PATJ: variants seen among roughly 807,000 people sequenced by gnomAD.
PATJ encodes PATJ crumbs cell polarity complex component.
In PATJ, 190 loss-of-function variants were observed where a neutral mutation model predicts 224.9. That is an observed-to-expected ratio of 0.84 (90% confidence interval 0.75 to 0.95). The LOEUF is 0.95. Ranked by LOEUF, PATJ falls within the 40% of genes least tolerant of loss-of-function variation. The pLI, the probability that PATJ is intolerant of heterozygous loss-of-function variation, is 0.00. For missense variants in PATJ, 2,121 were observed against 2,270.3 expected, an observed-to-expected ratio of 0.93 and a Z score of 1.34; for synonymous variants, 769 against 820.3, an observed-to-expected ratio of 0.94 and a Z score of 1.07.
At chr1:62,056,036 G>T (rs760358525) in intron 31 of PATJ, among the ~76,000 whole-genome samples, 1 of 152,158 alleles carries the variant, frequency 6.6e-6, no homozygotes, top group Non-Finnish European at 1.5e-5. Flanking sequence ...AGAAAAGAGC[G>T]AATTCACCTT....
At chr1:62,117,562 G>A (rs1664581962) in intron 37 of PATJ, 1 of 231,442 alleles carries the variant, frequency 4.3e-6, no homozygotes, top group South Asian at 1.6e-4. Flanking sequence ...GCACAACATT[G>A]TTCTATTCAT....
At chr1:61,976,815 T>C (rs930737719) in intron 27 of PATJ, among the ~76,000 whole-genome samples, 1 of 152,096 alleles carries the variant, frequency 6.6e-6, no homozygotes, top group Non-Finnish European at 1.5e-5. Flanking sequence ...TACCAAGATT[T>C]TACTATACTC....
At chr1:62,092,538 C>T (rs1013505038) in intron 33 of PATJ, among the ~76,000 whole-genome samples, 2 of 151,358 alleles carry the variant, frequency 1.3e-5, no homozygotes, top group African/African-American at 4.9e-5. Context: ...GCCTCAGCCT[C>T]CCATGTAGCT....
At chr1:62,015,548 T>TGC (rs1558043055) in intron 28 of PATJ, among the ~76,000 whole-genome samples, 1 of 152,010 alleles carries the variant, frequency 6.6e-6, no homozygotes, top group Non-Finnish European at 1.5e-5. Flanking sequence ...TGTGTGTGTG[T>TGC]GCGTGATGGA....
intron 28 of PATJ, among the ~76,000 whole-genome samples, chr1:62,014,870 G>C (rs1646678604): frequency 6.6e-6 from 1 of 152,054 alleles, no homozygotes; most frequent in African/African-American, 2.4e-5. Flanking sequence ...CCTGGCCACT[G>C]CATGATTTCT....
intron 31 of PATJ, among the ~76,000 whole-genome samples, chr1:62,058,818 A>G (rs1444208433): frequency 1.3e-5 from 2 of 152,212 alleles, no homozygotes; most frequent in Non-Finnish European, 2.9e-5. Flanking sequence ...TTTCATGTCC[A>G]GGAGTGTGCC....
chr1:62,127,692 A>G (rs993822574), intron 39 of PATJ, among the ~76,000 whole-genome samples: 2 of 152,154 alleles, frequency 1.3e-5, no homozygotes, highest in African/African-American at 2.4e-5. Context: ...TTGTAATCCT[A>G]GCTACTCAGG....
rs1428341858 is a variant in PATJ, at chr1:62,160,944, G to T, written c.5539G>T (p.Asp1847Tyr). ...AADDGRLKRG[D>Y]QILAVNGETL... ...AGATGACGGCCGATTAAAACGAGGG[G>T]ATCAGATTTTAGCTGTTAATGGCGA... The change falls in exon 44 of 44, where the codon GAT (aspartate) becomes TAT (tyrosine). Residue 1847 changes from aspartate (D) to tyrosine (Y), a missense_variant. By Grantham distance (160) the Asp-to-Tyr change is radical (BLOSUM62 -3). Transcript: ENST00000642238. 1.2e-6 allele frequency: 2 copies of T among 1,613,994 alleles called. No individual in the cohort carries two copies. The highest frequency in any genetic ancestry group is 3.3e-5 in the Admixed American group (2 of 59,976).
chr1:62,139,603 A>C (rs1363780921), intron 41 of PATJ, among the ~76,000 whole-genome samples: 1 of 152,016 alleles, frequency 6.6e-6, no homozygotes, highest in African/African-American at 2.4e-5. Context: ...CTCAAAGCTG[A>C]ACACACCCTT....
intron 27 of PATJ, among the ~76,000 whole-genome samples, chr1:61,954,175 G>C (rs1680103724): frequency 6.6e-6 from 1 of 152,090 alleles, no homozygotes; most frequent in African/African-American, 2.4e-5. Flanking sequence ...TTCTATTTAT[G>C]TATACACATT....
chr1:62,118,081 A>G (rs990814299), intron 37 of PATJ, among the ~76,000 whole-genome samples: 5 of 152,218 alleles, frequency 3.3e-5, no homozygotes, highest in African/African-American at 1.2e-4. Context: ...TGGTGTTAAA[A>G]AATGAGTGAG....
intron 17 of PATJ, among the ~76,000 whole-genome samples, chr1:61,835,175 A>G (rs1659965543): frequency 2.6e-5 from 4 of 152,226 alleles, no homozygotes; most frequent in African/African-American, 9.7e-5. Flanking sequence ...CTTGATTCCA[A>G]ATATTTTGGA....
chr1:62,034,810 T>G (rs561253664), intron 29 of PATJ, among the ~76,000 whole-genome samples: 1 of 152,360 alleles, frequency 6.6e-6, no homozygotes, highest in East Asian at 1.9e-4. Context: ...AAAGTCATAC[T>G]AATTTGTGAA....
At chr1:61,851,088 T>A (rs1662740168) in intron 17 of PATJ, among the ~76,000 whole-genome samples, 1 of 152,162 alleles carries the variant, frequency 6.6e-6, no homozygotes, top group South Asian at 2.1e-4. Context: ...ACATTCTTGG[T>A]CTCATAAAGC....
At chr1:61,955,915 G>C (rs1048130592) in intron 27 of PATJ, among the ~76,000 whole-genome samples, 1 of 152,220 alleles carries the variant, frequency 6.6e-6, no homozygotes, top group East Asian at 1.9e-4. Context: ...CCACTCATTG[G>C]ACAAAGAGAC....
intron 30 of PATJ, among the ~76,000 whole-genome samples, chr1:62,040,658 T>C (rs1570269909): frequency 6.6e-6 from 1 of 151,700 alleles, no homozygotes; most frequent in African/African-American, 2.4e-5. Flanking sequence ...GCTGGAAGCG[T>C]CTTAGAAGCT....
chr1:62,020,513 T>C (rs1647019878), intron 29 of PATJ, among the ~76,000 whole-genome samples: 1 of 152,172 alleles, frequency 6.6e-6, no homozygotes, highest in Non-Finnish European at 1.5e-5. Context: ...GGTTAAATAA[T>C]TTGAAATTAT....
chr1:62,069,689 A>G (rs1416164357), intron 31 of PATJ, among the ~76,000 whole-genome samples: 10 of 152,074 alleles, frequency 6.6e-5, no homozygotes, highest in Non-Finnish European at 1.2e-4. Flanking sequence ...ACACACCTTC[A>G]CGCATCTACC....
chr1:61,761,501 A>G (rs1645970586), intron 1 of PATJ, among the ~76,000 whole-genome samples: 1 of 152,160 alleles, frequency 6.6e-6, no homozygotes, highest in African/African-American at 2.4e-5. Flanking sequence ...GTGACATGGG[A>G]GCCTTCATAA....
Sources: gnomAD v4.1 joint callset for allele counts (sites outside exome capture counted in the v4.1 genomes callset) on GRCh38, gnomAD v4.1.1 for gene constraint, MANE v1.5 for transcripts, NCBI Gene and HGNC (gene_info 2026-07-23, HGNC 2026-07-21) for gene names.